Variants in PKP2 observed in about 807,000 individuals in gnomAD.
The protein encoded by PKP2 is plakophilin-2.
PKP2 carries 73 observed loss-of-function variants against 83.4 expected under a neutral mutation model. The observed-to-expected ratio is 0.88, with a 90% CI of 0.72 to 1.06. PKP2 has a LOEUF of 1.06. PKP2 is among the 50% of genes least tolerant of loss of function. The probability of loss-of-function intolerance (pLI) is 0.00; values close to 1 mark genes in which losing one functional copy is unlikely to be tolerated. For synonymous variants in PKP2, 409 were observed against 430.4 expected (o/e 0.95, Z 0.62); for missense variants, 966 against 1,065.4 (o/e 0.91, Z 1.30).
chr12:32,893,433 G>A (rs1957092771), intron 1 of PKP2: 1 of 152,148 alleles, frequency 6.6e-6, no homozygotes, highest in African/African-American at 2.4e-5. Flanking sequence ...CGAGCCCCCA[G>A]ACCTTTTCAA....
At position 32,896,537 on chromosome 12, in the gene PKP2, G is replaced by A. The variant is rs397517014; in HGVS notation, c.195C>T (p.Ala65=). 2.9e-4 allele frequency: 464 copies of A among 1,573,638 alleles called. No individual in the cohort carries two copies. Among genetic ancestry groups the A allele is most frequent in the Non-Finnish European group, 3.9e-4 (452 of 1,167,462 alleles). The change falls in exon 1 of 13, where the codon GCC becomes GCT. Residue 65 remains alanine, a synonymous_variant. Coordinates refer to ENST00000340811, the MANE Select transcript of PKP2 (RefSeq NM_001005242.3). ...TGCCCACGGAGCTGCGGCCCTTCCG[G>A]GCGAGGGTCTGCTGCACCTGCTCCT... ...RIQEQVQQTL[A]RKGRSSVGNG...
rs1191133103 is a variant in PKP2 at position 32,845,847 on chromosome 12, T to G, written c.1379-4642A>C. Among the ~76,000 whole-genome samples the G allele has an allele frequency of 3.9e-5, 6 of 152,118 alleles. No homozygotes were observed. In the East Asian group the frequency reaches 9.6e-4, roughly 24 times the overall value. ...TCCCTTGCATAGATATACCCCTCCT[T>G]TCACCTAAATTTTGCAAATCTTAAC... On this transcript the variant is annotated intron_variant, in intron 5 of 12. Transcript: ENST00000340811.
At chr12:32,872,515 C>T (rs1956903580) in intron 3 of PKP2, among the ~76,000 whole-genome samples, 1 of 151,950 alleles carries the variant, frequency 6.6e-6, no homozygotes, top group South Asian at 2.1e-4. Context: ...GCCTGGGCAA[C>T]AAGAGTGAAA....
intron 9 of PKP2, among the ~76,000 whole-genome samples, chr12:32,804,424 G>T (rs969901171): frequency 2.6e-5 from 4 of 152,056 alleles, no homozygotes; most frequent in African/African-American, 9.7e-5. Flanking sequence ...TAAGCCCAGC[G>T]CCCATTAGCT....
At chr12:32,821,613 A>C in intron 8 of PKP2, 84 bp from the exon 9 acceptor site, 1 of 1,351,322 alleles carries the variant, frequency 7.4e-7, no homozygotes, top group Non-Finnish European at 1.1e-6. Flanking sequence ...GACCAGAAAT[A>C]CTGTCTAGAA....
intron 1 of PKP2, among the ~76,000 whole-genome samples, chr12:32,887,919 C>T (rs796219497): frequency 3.3e-4 from 50 of 152,248 alleles, no homozygotes; most frequent in African/African-American, 1.2e-3. Context: ...GTGGCTCATG[C>T]CTGTAATCCC....
chr12:32,877,507 C>T (rs569256709), intron 3 of PKP2, among the ~76,000 whole-genome samples: 13 of 152,178 alleles, frequency 8.5e-5, no homozygotes, highest in South Asian at 2.1e-4. Flanking sequence ...GAAGAAAATA[C>T]GCATGCAATT....
chr12:32,813,544 C>G (rs577581355), intron 9 of PKP2, among the ~76,000 whole-genome samples: 17 of 152,128 alleles, frequency 1.1e-4, no homozygotes, highest in African/African-American at 3.9e-4. Flanking sequence ...CTTTGGGAGG[C>G]TGAGGCAGGA....
At position 32,796,182 on chromosome 12, in the gene PKP2, T is replaced by A; in HGVS notation, c.2284A>T (p.Ser762Cys). ...AGAAGGTCGCGTGCATTCTGGTAAC[T>A]GTTTTGGATTATGTTGTTCAATGTG... is the stretch of plus-strand genomic sequence containing the variant. ...CYTLNNIIQN[S>C]YQNARDLLNT... Residue 762 changes from serine to cysteine, a missense_variant, in exon 11 of 13, where the codon AGT becomes TGT. By Grantham distance (112) the Ser-to-Cys change is moderately radical (BLOSUM62 -1). Transcript: ENST00000340811. The A allele has an allele frequency of 6.2e-7, 1 of 1,614,126 alleles. No homozygotes were observed.
At position 32,886,848 on chromosome 12, in the gene PKP2, A is replaced by C. The variant is rs192587997; in HGVS notation, c.224-7816T>G. Among the ~76,000 whole-genome samples, 7 of 152,182 alleles carry C rather than the reference A, an allele frequency of 4.6e-5. 1 individual carries two copies. Among genetic ancestry groups the C allele is most frequent in the Admixed American group, 3.3e-4 (5 of 15,276 alleles). ...CTCTACAAAATTTTAAAAATTTAAA[A>C]ATTAGCTGGGCATGGTGGCATGGGC... On this transcript the variant is annotated intron_variant, in intron 1 of 12. Coordinates refer to ENST00000340811, the MANE Select transcript of PKP2 (RefSeq NM_001005242.3).
chr12:32,833,973 TATG>T (rs1956523252), intron 6 of PKP2, among the ~76,000 whole-genome samples: 1 of 152,172 alleles, frequency 6.6e-6, no homozygotes, highest in Admixed American at 6.5e-5. Flanking sequence ...ACATTTTTAA[TATG>T]ACTACAGTAT....
intron 8 of PKP2, chr12:32,821,959 T>C (rs1313349813): frequency 8.2e-6 from 2 of 243,946 alleles, no homozygotes; most frequent in East Asian, 2.2e-4. Context: ...AATACCACGA[T>C]ACTCAGAGAA....
Position 32,878,002 on chromosome 12 carries a change from C to T in PKP2, c.878G>A (p.Ser293Asn). The change falls in exon 3 of 13, where the codon AGC becomes AAC. Residue 293 changes from serine (S) to asparagine (N), a missense_variant. Ser to Asn is a conservative substitution (Grantham distance 46). Coordinates refer to ENST00000340811, the MANE Select transcript of PKP2 (RefSeq NM_001005242.3). ...NRASRSSWHQ[S>N]SFHSTRTLRE... is the part of the protein sequence containing the mutation. ...CAGCGTGCGGGTGCTGTGGAAGGAG[C>T]TCTGATGCCAGGAGGACCTGGAAGC... 6.2e-7 allele frequency: 1 copy of T among 1,614,020 alleles called. No homozygotes were observed. The highest frequency in any genetic ancestry group is 8.5e-7 in the Non-Finnish European group (1 of 1,180,038).
intron 1 of PKP2, 51 bp from the exon 2 acceptor site, chr12:32,879,083 A>G (rs747211978): frequency 1.1e-6 from 1 of 932,284 alleles, no homozygotes; most frequent in Non-Finnish European, 1.8e-6. Flanking sequence ...AGGCTAATTA[A>G]TATTTACAGA....
intron 2 of PKP2, among the ~76,000 whole-genome samples, 177 bp from the exon 3 acceptor site, chr12:32,878,720 T>A (rs1483155702): frequency 9.2e-5 from 14 of 152,218 alleles, no homozygotes; most frequent in Admixed American, 8.5e-4. Flanking sequence ...ACTTGAGTCA[T>A]ATTTATTTGC....
At chr12:32,854,510 T>G (rs1255913280) in intron 4 of PKP2, among the ~76,000 whole-genome samples, 1 of 152,220 alleles carries the variant, frequency 6.6e-6, no homozygotes, top group Non-Finnish European at 1.5e-5. Flanking sequence ...AGATGGTAGG[T>G]GATGAATCCT....
Position 32,869,079 on chromosome 12 carries a change from A to G in PKP2, c.1035-17T>C. On this transcript the variant is annotated splice_polypyrimidine_tract_variant and intron_variant, in intron 3 of 12. Coordinates refer to ENST00000340811, the MANE Select transcript of PKP2 (RefSeq NM_001005242.3). ...TCTGCATTCCTAGACAAACAGGCAC[A>G]GATTCAGCCAGATTCCAAACCTCCC... 1 of 1,613,432 alleles carries G rather than the reference A, an allele frequency of 6.2e-7. No homozygotes were observed. Among genetic ancestry groups the G allele is most frequent in the African/African-American group, 1.3e-5 (1 of 75,050 alleles).
chr12:32,866,133 T>C (rs1956846748), intron 4 of PKP2, among the ~76,000 whole-genome samples: 1 of 152,182 alleles, frequency 6.6e-6, no homozygotes, highest in Non-Finnish European at 1.5e-5. Context: ...GAAAAGGTCT[T>C]GTATACAGAA....
chr12:32,795,525 C>T (rs1158186599), intron 11 of PKP2, among the ~76,000 whole-genome samples: 2 of 152,142 alleles, frequency 1.3e-5, no homozygotes, highest in African/African-American at 4.8e-5. Flanking sequence ...GAATTACAGA[C>T]ACGCACCACC....
Sources: allele counts gnomAD v4.1 joint callset (sites outside exome capture counted in the v4.1 genomes callset), GRCh38; gene constraint gnomAD v4.1.1; transcripts MANE v1.5; gene names NCBI Gene and HGNC (gene_info 2026-07-23, HGNC 2026-07-21).